The following CPLANE1 variants were observed in gnomAD, a reference collection of about 807,000 sequenced individuals.
CPLANE1 encodes ciliogenesis and planar polarity effector 1.
In CPLANE1, 263 loss-of-function variants were observed where a neutral mutation model predicts 362.5. The ratio of observed to expected loss-of-function variants is 0.73; its 90% CI spans 0.66 to 0.80. CPLANE1 has a LOEUF of 0.80. CPLANE1 is among the 30% of genes least tolerant of loss of function. The pLI is 0.00. For synonymous variants in CPLANE1, 1,212 were observed against 1,302.6 expected (o/e 0.93, Z 1.50); for missense variants, 3,461 against 3,793.4 (o/e 0.91, Z 2.30).
Position 37,162,478 on chromosome 5 carries a change from T to C in CPLANE1, c.7677A>G (p.Thr2559=). The C allele has an allele frequency of 6.2e-7, 1 of 1,606,748 alleles. No homozygotes were observed. The highest frequency in any genetic ancestry group is 2.2e-5 in the East Asian group (1 of 44,818). ...AACAGCATTTACCTGGGTCTGTATT[T>C]GTACTTGCATCTTGACTTCCTATAG... The part of the protein sequence containing the change: ...KKAIGSQDAS[T]NTDPEHEPLT... Residue 2559 remains threonine, a synonymous_variant, in exon 38 of 53, where the codon ACA becomes ACG. Transcript: ENST00000651892.
intron 51 of CPLANE1, among the ~76,000 whole-genome samples, chr5:37,114,615 A>C (rs974304247): frequency 2.0e-5 from 3 of 152,098 alleles, no homozygotes; most frequent in African/African-American, 7.2e-5. Flanking sequence ...ATTTAGTATT[A>C]AGGGCCAGGC....
At position 37,152,753 on chromosome 5, in the gene CPLANE1, GT is replaced by G. The variant is rs1323961979; in HGVS notation, c.8373+986del. Reference sequence around the variant, plus strand: ...AATTTTAAAAACTTAGCTGAGAGTGGTGGTGCACACCTATAGTCCCAGGTAC... The same window carrying G: ...AATTTTAAAAACTTAGCTGAGAGTGGGGTGCACACCTATAGTCCCAGGTAC... On this transcript the variant is annotated intron_variant, in intron 42 of 52. Coordinates refer to ENST00000651892, the MANE Select transcript of CPLANE1 (RefSeq NM_001384732.1). Among the ~76,000 whole-genome samples the G allele has an allele frequency of 3.9e-5, 6 of 152,182 alleles. No individual in the cohort carries two copies. The South Asian group carries it at 6.2e-4, about 16-fold the overall frequency.
intron 33 of CPLANE1, 148 bp from the exon 34 acceptor site, chr5:37,169,709 T>C (rs369756278): frequency 1.6e-5 from 11 of 683,786 alleles, no homozygotes; most frequent in African/African-American, 1.1e-4. Context: ...ACGATGACTA[T>C]TGAACTACTC....
downstream of CPLANE1, among the ~76,000 whole-genome samples, chr5:37,101,723 C>A (rs572589219): frequency 6.6e-6 from 1 of 152,320 alleles, no homozygotes; most frequent in African/African-American, 2.4e-5. Context: ...ATAAATCCGT[C>A]TGGTCCTGGG....
chr5:37,166,778 T>G (rs1046563347), intron 35 of CPLANE1, among the ~76,000 whole-genome samples: 2 of 152,164 alleles, frequency 1.3e-5, no homozygotes, highest in Admixed American at 6.5e-5. Context: ...TGACTGTTCA[T>G]CCTATTACCG....
chr5:37,195,598 C>CAAAA (rs1206058421), intron 21 of CPLANE1, among the ~76,000 whole-genome samples: 1 of 109,092 alleles, frequency 9.2e-6, no homozygotes, highest in African/African-American at 3.5e-5. Flanking sequence ...GACTCTGTCT[C>CAAAA]AAAAAAAAAA....
At chr5:37,167,646 T>C (rs1778640457) in intron 34 of CPLANE1, among the ~76,000 whole-genome samples, 1 of 152,100 alleles carries the variant, frequency 6.6e-6, no homozygotes, top group South Asian at 2.1e-4. Context: ...GGCATTGTGG[T>C]GCGTGCCTGT....
intron 29 of CPLANE1, among the ~76,000 whole-genome samples, chr5:37,179,022 A>T (rs1781987703): frequency 6.6e-6 from 1 of 152,186 alleles, no homozygotes; most frequent in Non-Finnish European, 1.5e-5. Flanking sequence ...CAGCCTCCCA[A>T]AGTGCTGGGA....
At chr5:37,237,133 T>C (rs552737167) in intron 8 of CPLANE1, among the ~76,000 whole-genome samples, 2 of 152,258 alleles carry the variant, frequency 1.3e-5, no homozygotes, top group South Asian at 2.1e-4. Flanking sequence ...AAAAGATACT[T>C]GCACTCACAC....
chr5:37,249,013 G>A (rs1054001524), intron 1 of CPLANE1, among the ~76,000 whole-genome samples: 90 of 152,334 alleles, frequency 5.9e-4, no homozygotes, highest in African/African-American at 2.1e-3. Context: ...TGGGGCTCCC[G>A]CGCTCCGTCA....
chr5:37,175,250 G>A (rs1294888429), intron 31 of CPLANE1, among the ~76,000 whole-genome samples: 2 of 152,230 alleles, frequency 1.3e-5, no homozygotes, highest in African/African-American at 2.4e-5. Context: ...AAACTGAGCT[G>A]TAGGTACAGC....
At chr5:37,199,487 T>C (rs765594174) in intron 19 of CPLANE1, among the ~76,000 whole-genome samples, 52 of 152,134 alleles carry the variant, frequency 3.4e-4, no homozygotes, top group Non-Finnish European at 6.8e-4. Flanking sequence ...TTTCACCAAT[T>C]TATTCCATAT....
At chr5:37,134,270 G>A (rs180800978) in intron 46 of CPLANE1, among the ~76,000 whole-genome samples, 1 of 152,022 alleles carries the variant, frequency 6.6e-6, no homozygotes, top group Admixed American at 6.6e-5. Context: ...TCTGGTCTGG[G>A]GCTTTTATTG....
At chr5:37,119,099 T>G (rs1268831574) in intron 50 of CPLANE1, among the ~76,000 whole-genome samples, 1 of 152,220 alleles carries the variant, frequency 6.6e-6, no homozygotes, top group Non-Finnish European at 1.5e-5. Context: ...CAAATAACTA[T>G]GTTTTACTTA....
intron 32 of CPLANE1, 75 bp downstream of exon 32, chr5:37,173,680 G>A: frequency 1.6e-6 from 2 of 1,216,830 alleles, no homozygotes; most frequent in African/African-American, 1.5e-5. Context: ...TCAATTTCTG[G>A]AAATCTATTA....
chr5:37,124,312 T>C (rs1763559371), intron 47 of CPLANE1, among the ~76,000 whole-genome samples: 1 of 152,174 alleles, frequency 6.6e-6, no homozygotes, highest in Non-Finnish European at 1.5e-5. Context: ...CATAGTAATG[T>C]GACTATCAAA....
At chr5:37,208,690 A>C (rs1488227191) in intron 16 of CPLANE1, among the ~76,000 whole-genome samples, 1 of 137,776 alleles carries the variant, frequency 7.3e-6, no homozygotes, top group Non-Finnish European at 1.6e-5. Context: ...CCCCCCCCAA[A>C]AAAAAAAAAG....
At position 37,108,309 on chromosome 5, in the gene CPLANE1, T is replaced by C. The variant is rs917196481; in HGVS notation, c.9563A>G (p.His3188Arg). The change falls in exon 52 of 53, where the codon CAC becomes CGC. Residue 3188 changes from histidine (H) to arginine (R), a missense_variant. This residue lies in a region of CPLANE1 where 81 missense variants were observed against 127.3 expected (regional missense o/e 0.64). Coordinates refer to ENST00000651892, the MANE Select transcript of CPLANE1 (RefSeq NM_001384732.1). ...AATGCTTACTTGTAGAAGGGAATTGTGACTCTCATGAAGAATCTTATGGAT... is the reference window on the plus strand; with the variant it reads ...AATGCTTACTTGTAGAAGGGAATTGCGACTCTCATGAAGAATCTTATGGAT... ...SEIHKILHESHNSLLQDLSPT... is the reference protein window; with the variant it reads ...SEIHKILHESRNSLLQDLSPT... The C allele has an allele frequency of 1.2e-6, 2 of 1,613,928 alleles. No individual in the cohort carries two copies. Among genetic ancestry groups the C allele is most frequent in the African/African-American group, 1.3e-5 (1 of 74,950 alleles).
chr5:37,207,824 A>G (rs946456776), intron 16 of CPLANE1, among the ~76,000 whole-genome samples: 3 of 152,178 alleles, frequency 2.0e-5, no homozygotes, highest in African/African-American at 7.2e-5. Context: ...CATGATACTT[A>G]AAATTCAGAT....
Sources: allele counts gnomAD v4.1 joint callset (sites outside exome capture counted in the v4.1 genomes callset), GRCh38; gene constraint gnomAD v4.1.1; regional missense constraint gnomAD v4.1.1; transcripts MANE v1.5; gene names NCBI Gene and HGNC (gene_info 2026-07-23, HGNC 2026-07-21).